The following FRMD4A variants were observed in gnomAD, a reference collection of about 807,000 sequenced individuals.
FRMD4A encodes the protein FERM domain-containing protein 4A.
In FRMD4A, 29 loss-of-function variants were observed where a neutral mutation model predicts 129.1. The ratio of observed to expected loss-of-function variants is 0.22; its 90% CI spans 0.17 to 0.31. The LOEUF (loss-of-function observed/expected upper bound fraction) is 0.31. Among genes scored for constraint, FRMD4A ranks in the 10% least tolerant of loss-of-function variants. The pLI is 1.00. For synonymous variants in FRMD4A, 634 were observed against 571.6 expected (o/e 1.11, Z -1.56); for missense variants, 1,272 against 1,375.8 (o/e 0.92, Z 1.19).
At chr10:13,900,069 A>G in intron 2 of FRMD4A, among the ~76,000 whole-genome samples, 1 of 152,130 alleles carries the variant, frequency 6.6e-6, no homozygotes, top group East Asian at 1.9e-4. Flanking sequence ...GCTGGTTTCA[A>G]GTGAATCCTA....
chr10:13,760,884 T>TC (rs1554884850), intron 8 of FRMD4A, among the ~76,000 whole-genome samples: 5 of 145,954 alleles, frequency 3.4e-5, no homozygotes, highest in African/African-American at 7.8e-5. Context: ...TTTTTTTTTT[T>TC]CAGAGGAGCT....
intron 2 of FRMD4A, among the ~76,000 whole-genome samples, chr10:14,070,563 A>C (rs1835271652): frequency 1.3e-5 from 2 of 152,208 alleles, no homozygotes; most frequent in Admixed American, 1.3e-4. Flanking sequence ...ATGATGATGG[A>C]ATGAGCACCT....
intron 3 of FRMD4A, among the ~76,000 whole-genome samples, chr10:13,820,543 C>CAA (rs112274045): frequency 2.4e-4 from 32 of 136,152 alleles, no homozygotes; most frequent in African/African-American, 7.5e-4. Context: ...AATTGTATCT[C>CAA]AAAAAAAAAA....
chr10:13,763,502 C>T (rs4750409), intron 6 of FRMD4A, among the ~76,000 whole-genome samples: 37,856 of 152,046 alleles, frequency 0.25, 5,491 homozygotes, highest in East Asian at 0.54. Flanking sequence ...AGATACAGAA[C>T]GTTTCTACCA....
At chr10:13,908,499 C>A (rs899208111) in intron 2 of FRMD4A, among the ~76,000 whole-genome samples, 1 of 152,322 alleles carries the variant, frequency 6.6e-6, no homozygotes, top group East Asian at 1.9e-4. Context: ...CATTCAACAT[C>A]ACATTTTTGA....
At chr10:13,966,221 C>T (rs1052756195) in intron 2 of FRMD4A, among the ~76,000 whole-genome samples, 3 of 152,128 alleles carry the variant, frequency 2.0e-5, no homozygotes, top group South Asian at 4.1e-4. Context: ...CAGGGTTTCA[C>T]CATGTTGGCC....
At chr10:13,720,769 TG>T (rs2134974078) in intron 12 of FRMD4A, among the ~76,000 whole-genome samples, 1 of 152,220 alleles carries the variant, frequency 6.6e-6, no homozygotes, top group South Asian at 2.1e-4. Context: ...TGGGCAGCTA[TG>T]TGAGGGAAAA....
At chr10:14,320,410 A>AT (rs1846931190) in intron 2 of FRMD4A, among the ~76,000 whole-genome samples, 2 of 151,918 alleles carry the variant, frequency 1.3e-5, no homozygotes, top group Non-Finnish European at 2.9e-5. Context: ...GCGGTTTAAC[A>AT]TTTCCTCCTG....
intron 2 of FRMD4A, among the ~76,000 whole-genome samples, chr10:14,101,337 C>A (rs1837288714): frequency 6.6e-6 from 1 of 152,134 alleles, no homozygotes; most frequent in Admixed American, 6.5e-5. Flanking sequence ...CTTTGCTTAG[C>A]CACTTCCCAG....
intron 3 of FRMD4A, among the ~76,000 whole-genome samples, chr10:13,853,916 C>G (rs748781274): frequency 1.3e-5 from 2 of 150,764 alleles, no homozygotes; most frequent in Non-Finnish European, 2.9e-5. Context: ...TGGGGAGAAG[C>G]ACTGAAACGA....
rs539885177 is a variant in FRMD4A at position 13,852,823 on chromosome 10, GC to G, written c.111+6023del. ...GCTCAATGGCCACATGTGGCTGGTG[GC>G]TACTGTACCACGAGGTGCAGCTTAG... On this transcript the variant is annotated intron_variant, in intron 3 of 24. Coordinates refer to ENST00000357447, the MANE Select transcript of FRMD4A (RefSeq NM_018027.5). Among the ~76,000 whole-genome samples the G allele has an allele frequency of 6.2e-3, 942 of 152,180 alleles. 8 individuals carry two copies. Among genetic ancestry groups the G allele is most frequent in the Non-Finnish European group, 0.01 (691 of 68,016 alleles).
chr10:14,128,089 TTTCTTTCTTTCTTTC>T (rs1839022382), intron 2 of FRMD4A, among the ~76,000 whole-genome samples: 3 of 116,200 alleles, frequency 2.6e-5, no homozygotes, highest in African/African-American at 6.3e-5. Flanking sequence ...TCTTTCTTTC[TTTCTTTCTTTCTTTC>T]TTTTCTTTTC....
At chr10:13,845,492 A>C (rs11813703) in intron 3 of FRMD4A, among the ~76,000 whole-genome samples, 63,573 of 152,054 alleles carry the variant, frequency 0.42, 13,239 homozygotes, top group Middle Eastern at 0.53. Flanking sequence ...TAGCACCATA[A>C]ATTATGTAGC....
At chr10:14,181,860 T>A (rs1811459009) in intron 2 of FRMD4A, among the ~76,000 whole-genome samples, 1 of 152,128 alleles carries the variant, frequency 6.6e-6, no homozygotes. Context: ...CCAGCTAATT[T>A]GTGTACTTTT....
chr10:14,141,482 T>C (rs978362212), intron 2 of FRMD4A, among the ~76,000 whole-genome samples: 19 of 152,278 alleles, frequency 1.2e-4, no homozygotes, highest in African/African-American at 4.6e-4. Flanking sequence ...TGAGACATCA[T>C]GAAACATCAT....
chr10:13,716,128 G>C (rs897434130), intron 12 of FRMD4A, among the ~76,000 whole-genome samples: 3 of 152,122 alleles, frequency 2.0e-5, no homozygotes, highest in Admixed American at 6.5e-5. Flanking sequence ...TACAATGCAA[G>C]GAGAAGTTGG....
intron 2 of FRMD4A, among the ~76,000 whole-genome samples, chr10:14,142,913 T>G (rs1210766491): frequency 1.3e-5 from 2 of 152,150 alleles, no homozygotes; most frequent in East Asian, 3.9e-4. Context: ...ACATCACTAA[T>G]CATTAGGAAA....
At chr10:13,768,038 T>C (rs1474961071) in intron 6 of FRMD4A, among the ~76,000 whole-genome samples, 1 of 151,624 alleles carries the variant, frequency 6.6e-6, no homozygotes, top group East Asian at 1.9e-4. Context: ...CTTTGATCTT[T>C]GAGAAATGGT....
At chr10:14,094,149 G>A (rs140790121) in intron 2 of FRMD4A, among the ~76,000 whole-genome samples, 1 of 152,328 alleles carries the variant, frequency 6.6e-6, no homozygotes, top group Non-Finnish European at 1.5e-5. Flanking sequence ...GACAGCTCTG[G>A]GCTTCTGATC....
Sources: allele counts gnomAD v4.1 joint callset (sites outside exome capture counted in the v4.1 genomes callset), GRCh38; gene constraint gnomAD v4.1.1; transcripts MANE v1.5; gene names NCBI Gene and HGNC (gene_info 2026-07-23, HGNC 2026-07-21).